The following SLC20A2 variants were observed in gnomAD, a reference collection of about 807,000 sequenced individuals.
SLC20A2 encodes the protein sodium-dependent phosphate transporter 2.
SLC20A2 carries 30 observed loss-of-function variants against 61.0 expected under a neutral mutation model. The ratio of observed to expected loss-of-function variants is 0.49; its 90% CI spans 0.37 to 0.67. SLC20A2 has a LOEUF of 0.67. Ranked by LOEUF, SLC20A2 falls within the 30% of genes least tolerant of loss-of-function variation. SLC20A2 has a pLI of 0.00. For missense variants in SLC20A2, 626 were observed against 866.4 expected (o/e 0.72, Z 3.48); for synonymous variants, 351 against 353.3 (o/e 0.99, Z 0.07).
At chr8:42,432,634 C>A (rs1803949904) in intron 8 of SLC20A2, among the ~76,000 whole-genome samples, 1 of 152,140 alleles carries the variant, frequency 6.6e-6, no homozygotes, top group Non-Finnish European at 1.5e-5. Context: ...ATTGATGCGG[C>A]AAATTTCATT....
At chr8:42,462,662 T>G (rs1806809020) in intron 4 of SLC20A2, among the ~76,000 whole-genome samples, 1 of 152,082 alleles carries the variant, frequency 6.6e-6, no homozygotes, top group Non-Finnish European at 1.5e-5. Flanking sequence ...TTAATGACAG[T>G]TTCAAAATCT....
chr8:42,499,418 T>C (rs959319399), intron 1 of SLC20A2, among the ~76,000 whole-genome samples: 1 of 152,180 alleles, frequency 6.6e-6, no homozygotes, highest in Non-Finnish European at 1.5e-5. Flanking sequence ...CCGCTGCCAC[T>C]CTCTCACAGC....
At chr8:42,467,644 T>C (rs557842724) in intron 2 of SLC20A2, among the ~76,000 whole-genome samples, 2 of 152,320 alleles carry the variant, frequency 1.3e-5, no homozygotes, top group South Asian at 2.1e-4. Context: ...GTTGCTGCCA[T>C]GAGTGCTAGG....
chr8:42,459,676 A>G (rs1806546722), intron 5 of SLC20A2, among the ~76,000 whole-genome samples: 1 of 152,152 alleles, frequency 6.6e-6, no homozygotes. Context: ...TCTCTTGGGT[A>G]TTTAATTAAG....
At chr8:42,486,140 C>CTGTGTGTGTGTGTGTGTGTGTG (rs59925363) in intron 1 of SLC20A2, among the ~76,000 whole-genome samples, 34 of 149,028 alleles carry the variant, frequency 2.3e-4, no homozygotes, top group African/African-American at 7.8e-4. Context: ...AGCTCTCTCA[C>CTGTGTGTGTGTGTGTGTGTGTG]TGTGTGTGTG....
intron 7 of SLC20A2, among the ~76,000 whole-genome samples, chr8:42,438,629 G>A (rs1295472802): frequency 6.6e-6 from 1 of 152,164 alleles, no homozygotes. Flanking sequence ...CAGTCACCAG[G>A]GCAGGCTTTG....
At chr8:42,447,847 T>G (rs1805348069) in intron 5 of SLC20A2, among the ~76,000 whole-genome samples, 1 of 152,194 alleles carries the variant, frequency 6.6e-6, no homozygotes, top group African/African-American at 2.4e-5. Context: ...ACTTAACTGC[T>G]CAGCTCCCAT....
chr8:42,510,910 A>G (rs1220439083), intron 1 of SLC20A2, among the ~76,000 whole-genome samples: 2 of 151,796 alleles, frequency 1.3e-5, no homozygotes, highest in Non-Finnish European at 2.9e-5. Context: ...TATACATATA[A>G]TATATATATT....
intron 6 of SLC20A2, among the ~76,000 whole-genome samples, chr8:42,440,794 ATTATTTAT>A (rs201167528): frequency 3.3e-5 from 5 of 151,888 alleles, no homozygotes; most frequent in Non-Finnish European, 5.9e-5. Context: ...AGTATTTTTC[ATTATTTAT>A]TTATTTATTT....
At chr8:42,540,126 T>C (rs1297387284) in intron 1 of SLC20A2, among the ~76,000 whole-genome samples, 2 of 152,112 alleles carry the variant, frequency 1.3e-5, no homozygotes, top group African/African-American at 4.8e-5. Flanking sequence ...ACTCCGTCTC[T>C]ACTAAAAATA....
At chr8:42,464,090 ATCTTTTTTT>A (rs1806929061) in intron 3 of SLC20A2, among the ~76,000 whole-genome samples, 2 of 20,024 alleles carry the variant, frequency 1.0e-4, no homozygotes, top group African/African-American at 2.2e-4. Flanking sequence ...AGGCTGGATG[ATCTTTTTTT>A]TTTTTTTTTT....
At chr8:42,480,498 TC>T (rs1808476102) in intron 1 of SLC20A2, 1 of 152,212 alleles carries the variant, frequency 6.6e-6, no homozygotes, top group Admixed American at 6.5e-5. Context: ...CCTCAATTTT[TC>T]TCCAGGCTTA....
At chr8:42,474,436 C>T (rs1807896669) in intron 1 of SLC20A2, among the ~76,000 whole-genome samples, 2 of 151,990 alleles carry the variant, frequency 1.3e-5, no homozygotes, top group African/African-American at 2.4e-5. Context: ...GATTTTTCAG[C>T]CTTTGCAATT....
At chr8:42,467,610 C>T (rs1227210316) in intron 2 of SLC20A2, among the ~76,000 whole-genome samples, 1 of 152,156 alleles carries the variant, frequency 6.6e-6, no homozygotes, top group Non-Finnish European at 1.5e-5. Context: ...TGTGCAGGAC[C>T]CAGTCCATGA....
chr8:42,505,385 G>A (rs553698815), upstream of SLC20A2, among the ~76,000 whole-genome samples: 64 of 152,052 alleles, frequency 4.2e-4, no homozygotes, highest in African/African-American at 1.4e-3. Flanking sequence ...CACCCAACTC[G>A]GCCTCCCAAA....
At chr8:42,525,346 C>T (rs1200926458) in intron 1 of SLC20A2, among the ~76,000 whole-genome samples, 1 of 152,010 alleles carries the variant, frequency 6.6e-6, no homozygotes, top group Non-Finnish European at 1.5e-5. Flanking sequence ...CTTTGGGAGA[C>T]CGAGGTGGGT....
chr8:42,527,781 T>A (rs970877494), intron 1 of SLC20A2, among the ~76,000 whole-genome samples: 1 of 151,196 alleles, frequency 6.6e-6, no homozygotes, highest in Non-Finnish European at 1.5e-5. Flanking sequence ...AAAAAATAAA[T>A]AAATAAAGGA....
At chr8:42,494,325 AATAAAAT>A (rs1809751040) in intron 1 of SLC20A2, among the ~76,000 whole-genome samples, 1 of 152,232 alleles carries the variant, frequency 6.6e-6, no homozygotes, top group Admixed American at 6.5e-5. Flanking sequence ...TGCCAAATTA[AATAAAAT>A]ATAAAGTCAA....
chr8:42,431,010 T>C (rs771320232), intron 8 of SLC20A2, among the ~76,000 whole-genome samples: 1 of 152,226 alleles, frequency 6.6e-6, no homozygotes, highest in Non-Finnish European at 1.5e-5. Context: ...TATTGCTATA[T>C]TGAAATTAAG....
Sources: gnomAD v4.1 joint callset for allele counts (sites outside exome capture counted in the v4.1 genomes callset) on GRCh38, gnomAD v4.1.1 for gene constraint, MANE v1.5 for transcripts, NCBI Gene and HGNC (gene_info 2026-07-23, HGNC 2026-07-21) for gene names.